The following TAFA1 variants were observed in gnomAD, a reference collection of about 807,000 sequenced individuals.
The protein encoded by TAFA1 is chemokine-like protein TAFA-1.
TAFA1 carries 4 observed loss-of-function variants against 18.5 expected under a neutral mutation model. The observed-to-expected ratio is 0.22, with a 90% CI of 0.11 to 0.49. The LOEUF (loss-of-function observed/expected upper bound fraction) is 0.49, where lower values mean the gene tolerates loss of function less well. Ranked by LOEUF, TAFA1 falls within the 20% of genes least tolerant of loss-of-function variation. The probability of loss-of-function intolerance (pLI) is 0.98; values close to 1 mark genes in which losing one functional copy is unlikely to be tolerated. For synonymous variants in TAFA1, 56 were observed against 55.2 expected, an observed-to-expected ratio of 1.01 and a Z score of -0.06; for missense variants, 147 against 169.0, an observed-to-expected ratio of 0.87 and a Z score of 0.72.
At chr3:68,024,306 A>G (rs1704764962) in intron 2 of TAFA1, among the ~76,000 whole-genome samples, 1 of 152,130 alleles carries the variant, frequency 6.6e-6, no homozygotes. Flanking sequence ...GAAGAAAAAA[A>G]TTAATGAAGC....
At chr3:68,221,536 C>A (rs1008525539) in intron 2 of TAFA1, among the ~76,000 whole-genome samples, 2 of 152,184 alleles carry the variant, frequency 1.3e-5, no homozygotes, top group Non-Finnish European at 2.9e-5. Flanking sequence ...AGTTACCTTT[C>A]TCCCAATATT....
intron 3 of TAFA1, among the ~76,000 whole-genome samples, chr3:68,490,715 T>G (rs952113936): frequency 2.0e-5 from 3 of 152,216 alleles, no homozygotes; most frequent in African/African-American, 2.4e-5. Flanking sequence ...ATGTGAGGTT[T>G]ATTGTTAAAT....
At position 68,522,499 on chromosome 3, in the gene TAFA1, C is replaced by G. The variant is rs539713645; in HGVS notation, c.260-16257C>G. On this transcript the variant is annotated intron_variant, in intron 3 of 4. Transcript: ENST00000478136. ...AAAGGCTTCCAAGTCTTCTTCTAGT[C>G]AATTGGACTGGTGCTTCAGAGGCAG... is the stretch of plus-strand genomic sequence containing the variant. 2.6e-5 allele frequency among the ~76,000 whole-genome samples: 4 copies of G among 152,290 alleles called. No homozygotes were observed. The South Asian group carries it at 8.3e-4, about 32-fold the overall frequency.
intron 2 of TAFA1, among the ~76,000 whole-genome samples, chr3:68,388,285 G>A (rs981366408): frequency 6.6e-6 from 1 of 151,966 alleles, no homozygotes; most frequent in African/African-American, 2.4e-5. Flanking sequence ...TAGATCTAAA[G>A]AAAAAAGATT....
intron 2 of TAFA1, among the ~76,000 whole-genome samples, chr3:68,133,605 AG>A (rs1166009043): frequency 6.6e-6 from 1 of 151,376 alleles, no homozygotes; most frequent in East Asian, 2.0e-4. Flanking sequence ...TTGGATTCCT[AG>A]GTATTTTATT....
At chr3:68,000,812 A>G (rs1704275231), upstream of TAFA1, among the ~76,000 whole-genome samples, 1 of 152,162 alleles carries the variant, frequency 6.6e-6, no homozygotes, top group Admixed American at 6.5e-5. Context: ...TTGAGGCATA[A>G]ACAGGAAGTA....
At chr3:68,540,327 G>A (rs2073351662) in intron 4 of TAFA1, among the ~76,000 whole-genome samples, 1 of 152,068 alleles carries the variant, frequency 6.6e-6, no homozygotes, top group East Asian at 1.9e-4. Context: ...GTAGCTTAAT[G>A]TGGATTATCC....
intron 2 of TAFA1, among the ~76,000 whole-genome samples, chr3:68,042,184 G>C (rs1053989878): frequency 6.6e-6 from 1 of 152,076 alleles, no homozygotes; most frequent in African/African-American, 2.4e-5. Context: ...TACCTGCCTT[G>C]AGCCTGTAGG....
intron 2 of TAFA1, among the ~76,000 whole-genome samples, chr3:68,150,529 C>A (rs556304263): frequency 6.6e-6 from 1 of 152,208 alleles, no homozygotes; most frequent in East Asian, 1.9e-4. Flanking sequence ...TTGGAGATAG[C>A]TGTTGGAGAC....
intron 3 of TAFA1, among the ~76,000 whole-genome samples, chr3:68,529,893 C>T (rs552438429): frequency 3.3e-5 from 5 of 152,312 alleles, no homozygotes; most frequent in African/African-American, 1.2e-4. Context: ...TACATGAACT[C>T]TGGAGAGGAC....
intron 2 of TAFA1, among the ~76,000 whole-genome samples, chr3:68,303,171 A>C (rs549164830): frequency 6.6e-6 from 1 of 152,326 alleles, no homozygotes; most frequent in African/African-American, 2.4e-5. Flanking sequence ...ATAAAAAGCT[A>C]CACAGATAAA....
intron 3 of TAFA1, among the ~76,000 whole-genome samples, chr3:68,424,153 G>C (rs764416370): frequency 6.6e-6 from 1 of 151,952 alleles, no homozygotes; most frequent in Non-Finnish European, 1.5e-5. Context: ...AACTTACAAC[G>C]TAACAGAACA....
chr3:68,327,510 GCTAGCAGCATGAAA>G (rs2068796432), intron 2 of TAFA1, among the ~76,000 whole-genome samples: 1 of 152,114 alleles, frequency 6.6e-6, no homozygotes, highest in South Asian at 2.1e-4. Context: ...ATCACCACTT[GCTAGCAGCATGAAA>G]CTGGTCAAAA....
At chr3:68,130,137 A>C (rs1416315304) in intron 2 of TAFA1, among the ~76,000 whole-genome samples, 1 of 152,246 alleles carries the variant, frequency 6.6e-6, no homozygotes, top group Non-Finnish European at 1.5e-5. Context: ...TTGCCCTGGA[A>C]TGAAGAGCCC....
At chr3:68,152,544 A>G (rs1473618058) in intron 2 of TAFA1, among the ~76,000 whole-genome samples, 1 of 152,142 alleles carries the variant, frequency 6.6e-6, no homozygotes, top group Non-Finnish European at 1.5e-5. Context: ...CAGTCCCATG[A>G]TATGAAGACT....
Position 68,522,382 on chromosome 3 carries a change from T to A in TAFA1, c.260-16374T>A, listed in dbSNP as rs531776106. Among the ~76,000 whole-genome samples the A allele has an allele frequency of 2.0e-5, 3 of 152,208 alleles. No individual in the cohort carries two copies. The South Asian group carries it at 6.2e-4, about 32-fold the overall frequency. On this transcript the variant is annotated intron_variant, in intron 3 of 4. Transcript: ENST00000478136. ...GCCAGTGGAAGGAGAGCAGTTCCAG[T>A]GGTGTTAGCAACATACATAAATGTG...
At chr3:68,194,815 T>C (rs1470855988) in intron 2 of TAFA1, among the ~76,000 whole-genome samples, 1 of 151,732 alleles carries the variant, frequency 6.6e-6, no homozygotes, top group African/African-American at 2.4e-5. Context: ...AGCTGTCTCA[T>C]AGGGTTGGTG....
intron 2 of TAFA1, among the ~76,000 whole-genome samples, chr3:68,076,460 C>A (rs1166423198): frequency 3.5e-5 from 4 of 115,688 alleles, no homozygotes; most frequent in Non-Finnish European, 5.2e-5. Context: ...CTCCCCCCTC[C>A]CCCCACCCCC....
chr3:68,299,733 G>A (rs188264227), intron 2 of TAFA1, among the ~76,000 whole-genome samples: 6 of 152,222 alleles, frequency 3.9e-5, no homozygotes, highest in Admixed American at 6.5e-5. Flanking sequence ...GGGCTTTGCT[G>A]CCTTGTGCAG....
Sources: allele counts gnomAD v4.1 joint callset (sites outside exome capture counted in the v4.1 genomes callset), GRCh38; gene constraint gnomAD v4.1.1; transcripts MANE v1.5; gene names NCBI Gene and HGNC (gene_info 2026-07-23, HGNC 2026-07-21).